LONRF3: variants seen among roughly 807,000 people sequenced by gnomAD.
LONRF3 encodes LON peptidase N-terminal domain and RING finger protein 3.
In LONRF3, 19 loss-of-function variants were observed where a neutral mutation model predicts 51.7. The observed-to-expected ratio is 0.37, with a 90% confidence interval of 0.26 to 0.54. The LOEUF (loss-of-function observed/expected upper bound fraction) is 0.54, where lower values mean the gene tolerates loss of function less well. Ranked by LOEUF, LONRF3 falls within the 20% of genes least tolerant of loss-of-function variation. The probability of loss-of-function intolerance (pLI) is 0.86; values close to 1 mark genes in which losing one functional copy is unlikely to be tolerated. For synonymous variants in LONRF3, 265 were observed against 257.8 expected (o/e 1.03, Z -0.27); for missense variants, 521 against 623.9 (o/e 0.84, Z 1.76).
chrX:118,986,851 C>A (rs1364524938), intron 3 of LONRF3: 14 of 992,730 alleles, frequency 1.4e-5, no homozygotes, highest in Non-Finnish European at 1.2e-5. Context: ...GCTCCCTCCC[C>A]CCTTCACCCT....
chrX:118,982,777 A>G, intron 2 of LONRF3, 44 bp from the exon 3 acceptor site: 1 of 1,206,928 alleles, frequency 8.3e-7, no homozygotes, highest in Non-Finnish European at 1.1e-6. Context: ...AGTAGTGTTA[A>G]TAGGCTGAAT....
chrX:119,015,172 A>G (rs898389199), intron 10 of LONRF3, among the ~76,000 whole-genome samples: 3 of 111,334 alleles, frequency 2.7e-5, no homozygotes, highest in Non-Finnish European at 5.7e-5. Context: ...CCTCACGACC[A>G]TCTCTTCCTA....
chrX:118,995,477 G>A (rs755161622), intron 5 of LONRF3, among the ~76,000 whole-genome samples: 21 of 111,605 alleles, frequency 1.9e-4, no homozygotes, highest in Admixed American at 5.7e-4. Context: ...CAGAATAAAG[G>A]AAATAACCAA....
chrX:118,986,970 G>A (rs1371772271), intron 3 of LONRF3: 1 of 1,151,688 alleles, frequency 8.7e-7, no homozygotes, highest in African/African-American at 1.8e-5. Context: ...GGATTCTCAG[G>A]AACATTCTCC....
At chrX:118,978,009 C>T (rs756155098) in intron 1 of LONRF3, among the ~76,000 whole-genome samples, 26 of 111,139 alleles carry the variant, frequency 2.3e-4, no homozygotes, top group Non-Finnish European at 4.3e-4. Context: ...GGTAATACTG[C>T]ACTCATAAAC....
intron 2 of LONRF3, among the ~76,000 whole-genome samples, chrX:118,979,026 A>T (rs1603246005): frequency 1.3e-5 from 1 of 75,222 alleles, no homozygotes; most frequent in Non-Finnish European, 2.3e-5. Context: ...TTTGAGACAG[A>T]GTTTCCCTCT....
intron 3 of LONRF3, 73 bp from the exon 4 acceptor site, chrX:118,989,334 TC>T: frequency 9.0e-7 from 1 of 1,116,835 alleles, no homozygotes; most frequent in Non-Finnish European, 1.2e-6. Flanking sequence ...TTCCCTTTGT[TC>T]CTCTGGGTAG....
At chrX:118,988,239 T>G (rs1327723422) in intron 3 of LONRF3, among the ~76,000 whole-genome samples, 1 of 111,807 alleles carries the variant, frequency 8.9e-6, no homozygotes, top group African/African-American at 3.3e-5. Flanking sequence ...TTTCAATAAT[T>G]AAGATCACTA....
intron 7 of LONRF3, 39 bp downstream of exon 7, chrX:119,009,286 C>G: frequency 8.7e-7 from 1 of 1,149,273 alleles, no homozygotes; most frequent in Non-Finnish European, 1.2e-6. Context: ...TCACTCATAC[C>G]AGCTCAATGA....
chrX:118,986,060 ACAC>A (rs1922935069), intron 3 of LONRF3, among the ~76,000 whole-genome samples: 2 of 14,327 alleles, frequency 1.4e-4, no homozygotes, highest in African/African-American at 5.2e-4. Context: ...AAACACACAC[ACAC>A]ACACACACAC....
intron 3 of LONRF3, chrX:118,986,872 A>G (rs1029564206): frequency 3.1e-5 from 34 of 1,091,500 alleles, no homozygotes; most frequent in Middle Eastern, 2.7e-4. Context: ...CCTCCCCTTC[A>G]CCTGGGCACC....
chrX:118,981,683 C>T (rs1362120190), intron 2 of LONRF3, among the ~76,000 whole-genome samples: 2 of 110,789 alleles, frequency 1.8e-5, no homozygotes, highest in Non-Finnish European at 3.8e-5. Flanking sequence ...TCAGCCAAGA[C>T]AAGGCTTCAG....
chrX:118,991,591 G>A (rs1923432552), intron 5 of LONRF3, among the ~76,000 whole-genome samples: 1 of 112,060 alleles, frequency 8.9e-6, no homozygotes, highest in Non-Finnish European at 1.9e-5. Flanking sequence ...CTATGATTAT[G>A]GTGTGTGTAA....
intron 7 of LONRF3, among the ~76,000 whole-genome samples, chrX:119,011,514 A>G (rs770258126): frequency 8.9e-6 from 1 of 112,235 alleles, no homozygotes; most frequent in South Asian, 3.8e-4. Context: ...ATCATCCACA[A>G]TATTAAGATA....
At chrX:118,983,345 C>G (rs1922713690) in intron 3 of LONRF3, among the ~76,000 whole-genome samples, 1 of 111,805 alleles carries the variant, frequency 8.9e-6, no homozygotes, top group Non-Finnish European at 1.9e-5. Context: ...TTGGCTGAAT[C>G]ACAGTTTTCA....
intron 2 of LONRF3, among the ~76,000 whole-genome samples, chrX:118,982,488 A>G (rs1342338697): frequency 9.0e-6 from 1 of 111,519 alleles, no homozygotes; most frequent in Non-Finnish European, 1.9e-5. Context: ...TTCTTGCTAC[A>G]TTTGATGGTC....
At chrX:119,012,087 A>C (rs1016442842) in intron 8 of LONRF3, 114 bp downstream of exon 8, 6 of 724,650 alleles carry the variant, frequency 8.3e-6, no homozygotes, top group Non-Finnish European at 1.2e-5. Context: ...AGCCAACTGA[A>C]GAATATGAGC....
chrX:118,987,040 C>T, intron 3 of LONRF3: 1 of 1,153,508 alleles, frequency 8.7e-7, no homozygotes, highest in Non-Finnish European at 1.1e-6. Context: ...GAGTCAATGA[C>T]TACTGAAGTT....
intron 1 of LONRF3, 115 bp downstream of exon 1, chrX:118,975,712 G>C: frequency 8.6e-6 from 2 of 233,003 alleles, no homozygotes; most frequent in Non-Finnish European, 1.5e-5. Flanking sequence ...GGGGGCGGGG[G>C]ACCCATGGAC....
Sources: gnomAD v4.1 joint callset for allele counts (sites outside exome capture counted in the v4.1 genomes callset) on GRCh38, gnomAD v4.1.1 for gene constraint, MANE v1.5 for transcripts, NCBI Gene and HGNC (gene_info 2026-07-23, HGNC 2026-07-21) for gene names.